CLIC5: variants seen among roughly 807,000 people sequenced by gnomAD.
The protein encoded by CLIC5 is chloride intracellular channel protein 5.
Under a neutral mutation model 24.7 loss-of-function variants are expected in CLIC5, and 20 were observed. That is an observed-to-expected ratio of 0.81 (90% CI 0.57 to 1.18). The LOEUF is 1.18. CLIC5 is among the 50% of genes most tolerant of loss of function. The pLI is 0.00. For synonymous variants in CLIC5, 159 were observed against 135.6 expected, an observed-to-expected ratio of 1.17 and a Z score of -1.20; for missense variants, 341 against 326.1, an observed-to-expected ratio of 1.05 and a Z score of -0.35.
At chr6:45,918,595 T>A (rs1295322194) in intron 4 of CLIC5, among the ~76,000 whole-genome samples, 1 of 152,262 alleles carries the variant, frequency 6.6e-6, no homozygotes, top group African/African-American at 2.4e-5. Context: ...ACTTCTCATA[T>A]ATGGTTTTTC....
intron 4 of CLIC5, among the ~76,000 whole-genome samples, chr6:45,923,586 G>A (rs905240750): frequency 3.9e-5 from 6 of 152,154 alleles, no homozygotes; most frequent in African/African-American, 9.7e-5. Flanking sequence ...GCATCTATTC[G>A]GTGCCCACTG....
intron 1 of CLIC5, among the ~76,000 whole-genome samples, chr6:45,987,405 C>T (rs1224438490): frequency 2.6e-5 from 4 of 152,308 alleles, no homozygotes; most frequent in Middle Eastern, 3.4e-3. Context: ...ATATTCTCTA[C>T]AGTGCCTTAT....
chr6:45,917,995 G>A (rs1445553081), intron 4 of CLIC5, among the ~76,000 whole-genome samples: 2 of 152,180 alleles, frequency 1.3e-5, no homozygotes, highest in Non-Finnish European at 2.9e-5. Flanking sequence ...CACCCAAGAC[G>A]CAGGATCACT....
chr6:45,911,828 C>T (rs955580413), intron 5 of CLIC5: 20 of 985,518 alleles, frequency 2.0e-5, no homozygotes, highest in East Asian at 1.1e-4. Context: ...CCAACGAAGA[C>T]CTGTGCACCC....
intron 1 of CLIC5, among the ~76,000 whole-genome samples, chr6:45,958,746 A>G (rs1288733915): frequency 6.6e-5 from 10 of 151,910 alleles, no homozygotes; most frequent in Non-Finnish European, 2.9e-5. Context: ...CTCTCTCCAT[A>G]TATGATGAGC....
chr6:46,065,019 C>A (rs1265530637), intron 1 of CLIC5, among the ~76,000 whole-genome samples: 1 of 151,892 alleles, frequency 6.6e-6, no homozygotes, highest in Admixed American at 6.6e-5. Flanking sequence ...AAACTATTTG[C>A]AAAACATGTA....
At chr6:46,054,852 G>A (rs775262280) in intron 1 of CLIC5, among the ~76,000 whole-genome samples, 2 of 152,276 alleles carry the variant, frequency 1.3e-5, no homozygotes, top group South Asian at 4.1e-4. Flanking sequence ...ATCCAGAACC[G>A]TGAAAAAATA....
intron 1 of CLIC5, among the ~76,000 whole-genome samples, chr6:46,073,793 G>A (rs1762688916): frequency 6.6e-6 from 1 of 152,242 alleles, no homozygotes; most frequent in South Asian, 2.1e-4. Flanking sequence ...AGTGTTGGCT[G>A]TGACTCTGCT....
intron 1 of CLIC5, among the ~76,000 whole-genome samples, chr6:45,989,464 G>A (rs551704056): frequency 6.6e-6 from 1 of 152,294 alleles, no homozygotes; most frequent in South Asian, 2.1e-4. Context: ...TAGATCAATG[G>A]AAGTAGTTTT....
intron 4 of CLIC5, among the ~76,000 whole-genome samples, chr6:45,933,362 T>G (rs897699397): frequency 1.3e-5 from 2 of 152,248 alleles, no homozygotes; most frequent in African/African-American, 4.8e-5. Flanking sequence ...TGGGGACATG[T>G]GTCCTGGATT....
intron 1 of CLIC5, among the ~76,000 whole-genome samples, chr6:46,005,797 C>G (rs1358261184): frequency 6.6e-6 from 1 of 151,378 alleles, no homozygotes; most frequent in African/African-American, 2.4e-5. Context: ...ATGTGAGAAC[C>G]CAGTGAGAAG....
the CLIC5 span, among the ~76,000 whole-genome samples, chr6:46,087,790 G>T: frequency 1.3e-5 from 2 of 152,196 alleles, no homozygotes; most frequent in Non-Finnish European, 2.9e-5. Context: ...GAAAGAGAGA[G>T]TGGGCATCCT....
At chr6:45,913,349 A>G (rs1356239962) in intron 5 of CLIC5, among the ~76,000 whole-genome samples, 3 of 152,242 alleles carry the variant, frequency 2.0e-5, no homozygotes, top group African/African-American at 7.2e-5. Flanking sequence ...TTAGGGGGAT[A>G]CAACTACTGT....
chr6:46,040,379 A>G lies in CLIC5; in HGVS notation c.540+39324T>C, dbSNP rs191821566. On this transcript the variant is annotated intron_variant, in intron 1 of 5. Coordinates refer to the CLIC5 transcript ENST00000185206. Reference sequence around the variant, plus strand: ...GGCATTGGTGGAGGTGATGGGAATGATGGTGGATGAGGCTTGGTGGTGGTA... The same window carrying G: ...GGCATTGGTGGAGGTGATGGGAATGGTGGTGGATGAGGCTTGGTGGTGGTA... Among the ~76,000 whole-genome samples the G allele has an allele frequency of 1.7e-3, 254 of 152,210 alleles. 2 individuals carry two copies. Among genetic ancestry groups the G allele is most frequent in the Middle Eastern group, 0.01 (3 of 294 alleles).
chr6:46,115,753 G>T, the CLIC5 span, among the ~76,000 whole-genome samples: 11 of 152,180 alleles, frequency 7.2e-5, no homozygotes, highest in Non-Finnish European at 1.5e-4. Flanking sequence ...TCTGTAATCT[G>T]CAGGAAAGAT....
intron 1 of CLIC5, among the ~76,000 whole-genome samples, chr6:46,009,598 T>C (rs779460136): frequency 1.3e-5 from 2 of 152,168 alleles, no homozygotes. Flanking sequence ...TTTTAATAGA[T>C]ACCAGAGAGT....
chr6:46,013,959 C>T (rs570368242), intron 1 of CLIC5, among the ~76,000 whole-genome samples: 22 of 152,118 alleles, frequency 1.4e-4, no homozygotes, highest in African/African-American at 5.3e-4. Flanking sequence ...CCCTAAGGTC[C>T]AACACTACCC....
chr6:46,067,006 G>T (rs906144920), intron 1 of CLIC5, among the ~76,000 whole-genome samples: 9 of 152,132 alleles, frequency 5.9e-5, no homozygotes, highest in Non-Finnish European at 1.2e-4. Flanking sequence ...GTTGCTAGGG[G>T]CAGAACATGC....
intron 1 of CLIC5, among the ~76,000 whole-genome samples, chr6:46,027,919 T>C (rs922312201): frequency 6.6e-6 from 1 of 152,208 alleles, no homozygotes; most frequent in African/African-American, 2.4e-5. Context: ...ACATTGAAAT[T>C]AATTCTTTTT....
Sources: gnomAD v4.1 joint callset for allele counts (sites outside exome capture counted in the v4.1 genomes callset) on GRCh38, gnomAD v4.1.1 for gene constraint, MANE v1.5 for transcripts, NCBI Gene and HGNC (gene_info 2026-07-23, HGNC 2026-07-21) for gene names.